Variants in RBFOX1 observed in about 807,000 individuals in gnomAD.
RBFOX1 encodes the protein RNA binding fox-1 homolog 1, also known as RNA binding protein fox-1 homolog 1.
In RBFOX1, 8 loss-of-function variants were observed where a neutral mutation model predicts 57.7. That is an observed-to-expected ratio of 0.14 (90% CI 0.08 to 0.25). The LOEUF (loss-of-function observed/expected upper bound fraction) is 0.25. RBFOX1 is among the 10% of genes least tolerant of loss of function. RBFOX1 has a pLI of 1.00. For missense variants in RBFOX1, 611 were observed against 548.5 expected (o/e 1.11, Z -1.14); for synonymous variants, 326 against 222.4 (o/e 1.47, Z -4.15).
intron 3 of RBFOX1, among the ~76,000 whole-genome samples, chr16:5,650,270 G>A (rs2151359401): frequency 6.6e-6 from 1 of 152,254 alleles, no homozygotes; most frequent in Admixed American, 6.5e-5. Context: ...GAGATGTGAA[G>A]TGCCCCTTTC....
intron 4 of RBFOX1, among the ~76,000 whole-genome samples, chr16:5,951,508 T>TTAC (rs2059520091): frequency 1.3e-5 from 2 of 152,266 alleles, no homozygotes; most frequent in South Asian, 4.1e-4. Flanking sequence ...TATATATAAC[T>TTAC]ATGTATTACA....
intron 5 of RBFOX1, among the ~76,000 whole-genome samples, chr16:7,555,388 C>G (rs1432829557): frequency 6.6e-6 from 1 of 152,110 alleles, no homozygotes; most frequent in East Asian, 1.9e-4. Context: ...TTAATAGACA[C>G]CAGTGTTACC....
At chr16:5,312,844 G>C (rs1179022256) in intron 1 of RBFOX1, among the ~76,000 whole-genome samples, 2 of 152,236 alleles carry the variant, frequency 1.3e-5, no homozygotes, top group South Asian at 2.1e-4. Flanking sequence ...AATGTCTTCA[G>C]ATATGAGCCC....
rs1012652109 is a variant in RBFOX1, at chr16:6,440,871, C to A, written c.-64+123814C>A. Among the ~76,000 whole-genome samples, 8 of 150,320 alleles carry A rather than the reference C, an allele frequency of 5.3e-5. 1 individual carries two copies. Among genetic ancestry groups the A allele is most frequent in the Admixed American group, 6.6e-5 (1 of 15,144 alleles). ...GATATCGAATGAGTCCAGTCAAGTGCAACAGTGAACAGTATGGATGAGCTG... is the reference window on the plus strand; with the variant it reads ...GATATCGAATGAGTCCAGTCAAGTGAAACAGTGAACAGTATGGATGAGCTG... On this transcript the variant is annotated intron_variant, in intron 2 of 15. Coordinates refer to ENST00000550418, the MANE Select transcript of RBFOX1 (RefSeq NM_018723.4).
chr16:5,286,893 T>C (rs1316362297), intron 1 of RBFOX1, among the ~76,000 whole-genome samples: 2 of 152,240 alleles, frequency 1.3e-5, no homozygotes, highest in Admixed American at 1.3e-4. Flanking sequence ...GATTTGGCCC[T>C]TGGTCTATAG....
chr16:6,001,438 C>G (rs78641779), intron 4 of RBFOX1, among the ~76,000 whole-genome samples: 4,568 of 152,254 alleles, frequency 0.03, 249 homozygotes, highest in African/African-American at 0.1. Context: ...GCCACACATA[C>G]TGTGAAGGAC....
At chr16:7,049,054 A>G (rs1485466360) in intron 3 of RBFOX1, among the ~76,000 whole-genome samples, 1 of 152,182 alleles carries the variant, frequency 6.6e-6, no homozygotes, top group Non-Finnish European at 1.5e-5. Context: ...TCAGATACAG[A>G]CATGAGCACA....
At chr16:5,751,224 T>G (rs1025483740) in intron 3 of RBFOX1, among the ~76,000 whole-genome samples, 4 of 152,196 alleles carry the variant, frequency 2.6e-5, no homozygotes, top group African/African-American at 9.7e-5. Context: ...GGTGGAGAGA[T>G]GATGGATTAG....
intron 2 of RBFOX1, among the ~76,000 whole-genome samples, chr16:6,412,767 T>C (rs939557930): frequency 6.6e-6 from 1 of 152,224 alleles, no homozygotes; most frequent in African/African-American, 2.4e-5. Flanking sequence ...CGGAACCATC[T>C]AATGATCTGA....
chr16:5,587,015 A>C (rs942011308), intron 2 of RBFOX1, among the ~76,000 whole-genome samples: 1 of 152,180 alleles, frequency 6.6e-6, no homozygotes, highest in African/African-American at 2.4e-5. Flanking sequence ...CCTGAAAAGA[A>C]GGCAAGTAGA....
intron 4 of RBFOX1, among the ~76,000 whole-genome samples, chr16:7,156,960 C>T (rs1295147428): frequency 2.0e-5 from 3 of 152,146 alleles, no homozygotes; most frequent in African/African-American, 4.8e-5. Flanking sequence ...GCAAAAAGTG[C>T]CTTTAAAAAA....
At chr16:5,983,820 T>C (rs2152312451) in intron 4 of RBFOX1, among the ~76,000 whole-genome samples, 1 of 151,448 alleles carries the variant, frequency 6.6e-6, no homozygotes, top group African/African-American at 2.4e-5. Flanking sequence ...GGTCTGGCTG[T>C]TCAGGCGTTC....
In RBFOX1 at chr16:6,293,055, A is replaced by C. The variant is rs549000726; in HGVS notation, c.-126-23940A>C. Among the ~76,000 whole-genome samples, 21 of 152,254 alleles carry C rather than the reference A, an allele frequency of 1.4e-4. No individual in the cohort carries two copies. The South Asian group carries it at 2.7e-3, about 20-fold the overall frequency. ...AGGAATGTCTACCCCCTTTAGCTCC[A>C]AGTCTTATCTACTCCTCATAGCCAC... On this transcript the variant is annotated intron_variant, in intron 1 of 15. Coordinates refer to ENST00000550418, the MANE Select transcript of RBFOX1 (RefSeq NM_018723.4).
intron 1 of RBFOX1, among the ~76,000 whole-genome samples, chr16:6,028,059 G>C (rs1265325543): frequency 6.6e-6 from 1 of 152,198 alleles, no homozygotes; most frequent in African/African-American, 2.4e-5. Context: ...CAGGGGTATT[G>C]GCTTGGTGTC....
chr16:7,228,183 C>G (rs1013935611), intron 4 of RBFOX1, among the ~76,000 whole-genome samples: 2 of 151,944 alleles, frequency 1.3e-5, no homozygotes. Context: ...CTGGTTTGGT[C>G]GTGGTTGTGT....
chr16:6,588,740 C>T (rs1475824332), intron 2 of RBFOX1, among the ~76,000 whole-genome samples: 1 of 152,170 alleles, frequency 6.6e-6, no homozygotes, highest in African/African-American at 2.4e-5. Context: ...GGACCATTTT[C>T]TTGTAGAACA....
At chr16:5,857,267 C>G (rs1597513872) in intron 3 of RBFOX1, among the ~76,000 whole-genome samples, 1 of 152,088 alleles carries the variant, frequency 6.6e-6, no homozygotes, top group African/African-American at 2.4e-5. Context: ...GGGAGAAGTT[C>G]ACAGCACTCC....
chr16:7,025,396 C>A (rs1450271975), intron 3 of RBFOX1, among the ~76,000 whole-genome samples: 6 of 152,124 alleles, frequency 3.9e-5, no homozygotes, highest in Admixed American at 3.9e-4. Flanking sequence ...CAGCAAGGTC[C>A]TTATGACCTG....
chr16:7,545,850 C>T (rs181359299), intron 5 of RBFOX1, among the ~76,000 whole-genome samples: 2 of 152,108 alleles, frequency 1.3e-5, no homozygotes, highest in African/African-American at 4.8e-5. Context: ...CTCAGAGCCT[C>T]TGTCTCTGCA....
Sources: allele counts gnomAD v4.1 joint callset (sites outside exome capture counted in the v4.1 genomes callset), GRCh38; gene constraint gnomAD v4.1.1; transcripts MANE v1.5; gene names NCBI Gene and HGNC (gene_info 2026-07-23, HGNC 2026-07-21).